Variants in SIN3B observed in about 807,000 individuals in gnomAD.
SIN3B encodes the protein paired amphipathic helix protein Sin3b.
SIN3B carries 19 observed loss-of-function variants against 120.2 expected under a neutral mutation model. The observed-to-expected ratio is 0.16, with a 90% CI of 0.11 to 0.23. The LOEUF (loss-of-function observed/expected upper bound fraction) is 0.23, where lower values mean the gene tolerates loss of function less well. SIN3B is among the 10% of genes least tolerant of loss of function. The probability of loss-of-function intolerance (pLI) is 1.00; values close to 1 mark genes in which losing one functional copy is unlikely to be tolerated. For synonymous variants in SIN3B, 654 were observed against 653.2 expected (o/e 1.00, Z -0.02); for missense variants, 1,073 against 1,573.0 (o/e 0.68, Z 5.38).
intron 3 of SIN3B, among the ~76,000 whole-genome samples, chr19:16,833,833 C>G (rs1971310762): frequency 6.6e-6 from 1 of 151,504 alleles, no homozygotes. Context: ...AAGAGATTCT[C>G]CTGCCTCAGC....
At chr19:16,832,851 C>T (rs748851889) in intron 3 of SIN3B, among the ~76,000 whole-genome samples, 105 of 152,010 alleles carry the variant, frequency 6.9e-4, no homozygotes, top group Non-Finnish European at 1.3e-3. Flanking sequence ...AGCTTACTAG[C>T]GCCTCTGAGA....
At chr19:16,843,541 G>A (rs1433171808) in intron 4 of SIN3B, among the ~76,000 whole-genome samples, 2 of 152,304 alleles carry the variant, frequency 1.3e-5, no homozygotes, top group Admixed American at 6.5e-5. Context: ...GCTTGTGATC[G>A]TAGAATCTGT....
Position 16,876,703 on chromosome 19 carries a change from G to T in SIN3B, c.2859+125G>T, listed in dbSNP as rs1486853342. 2 of 720,070 alleles carry T rather than the reference G, an allele frequency of 2.8e-6. No individual in the cohort carries two copies. The allele number at this position is 720,070 out of a possible 1,614,324, so 44.6% of individuals were successfully genotyped here. On this transcript the variant is annotated intron_variant, in intron 16 of 18. Coordinates refer to ENST00000248054, the MANE Select transcript of SIN3B (RefSeq NM_001297595.2). The surrounding 1 kb of genome is among the most constrained non-coding windows in gnomAD (Gnocchi z 7.1). ...GAGACCCTCCCTCTGCAGGCCACAGGCTCTCCTTGAGGCCTGGTGGGTGGG... is the reference window on the plus strand; with the variant it reads ...GAGACCCTCCCTCTGCAGGCCACAGTCTCTCCTTGAGGCCTGGTGGGTGGG...
At chr19:16,867,977 C>T (rs1971801823) in intron 12 of SIN3B, among the ~76,000 whole-genome samples, 1 of 152,224 alleles carries the variant, frequency 6.6e-6, no homozygotes. Flanking sequence ...CTGGATCCCT[C>T]CCTGGGGCTG....
Position 16,878,585 on chromosome 19 carries a change from C to G in SIN3B, c.3251C>G (p.Ala1084Gly), listed in dbSNP as rs753381939. 1 of 1,610,422 alleles carries G rather than the reference C, an allele frequency of 6.2e-7. No homozygotes were observed. The highest frequency in any genetic ancestry group is 1.3e-5 in the African/African-American group (1 of 75,016). ...WLEDNVTVEA[A>G]SLVQDWLMGE... Reference sequence around the variant, plus strand: ...GAGGACAATGTGACGGTGGAGGCGGCTAGCCTGGTGCAGGACTGGCTGATG... The same window carrying G: ...GAGGACAATGTGACGGTGGAGGCGGGTAGCCTGGTGCAGGACTGGCTGATG... Residue 1084 changes from alanine (A) to glycine (G), a missense_variant, in exon 19 of 19, where the codon GCT (alanine) becomes GGT (glycine). By Grantham distance (60) the Ala-to-Gly change is moderately conservative. Around this residue, in one of 7 missense-constraint regions of SIN3B, gnomAD observed 311 missense variants for 400.3 expected, o/e 0.78. Transcript: ENST00000248054.
intron 3 of SIN3B, among the ~76,000 whole-genome samples, chr19:16,836,712 G>T (rs1971353129): frequency 6.6e-6 from 1 of 152,164 alleles, no homozygotes; most frequent in African/African-American, 2.4e-5. Context: ...CTCTCAGCTA[G>T]CGGGTCCTCT....
intron 14 of SIN3B, among the ~76,000 whole-genome samples, chr19:16,873,565 C>T (rs1005051268): frequency 7.2e-6 from 1 of 139,826 alleles, no homozygotes; most frequent in Non-Finnish European, 1.6e-5. Context: ...GCCATGGCTT[C>T]GGGGACAGCA....
At chr19:16,856,632 C>T (rs1362560645) in intron 8 of SIN3B, among the ~76,000 whole-genome samples, 5 of 151,520 alleles carry the variant, frequency 3.3e-5, no homozygotes, top group South Asian at 2.1e-4. Context: ...AGTGCAGTGG[C>T]GCGATCTTGG....
In SIN3B at chr19:16,878,265, C is replaced by T. The variant is rs2051638114; in HGVS notation, c.3037C>T (p.Leu1013=). The T allele has an allele frequency of 1.9e-6, 3 of 1,599,900 alleles. No homozygotes were observed. The highest frequency in any genetic ancestry group is 2.7e-5 in the African/African-American group (2 of 74,776). ...TGAGGCCAGGAGCTCCTGGAAGCGG[C>T]TGGTGGGCGTGGAGAGCGCCTGCGA... ...RGEARSSWKR[L]VGVESACDVD... is the part of the protein sequence containing the mutation. The change falls in exon 18 of 19, where the codon CTG becomes TTG. Residue 1013 remains leucine, a synonymous_variant. Transcript: ENST00000248054.
chr19:16,853,239 T>G, intron 7 of SIN3B, 81 bp downstream of exon 7: 1 of 1,342,890 alleles, frequency 7.4e-7, no homozygotes. Flanking sequence ...TGCCCCAGGA[T>G]TGGGGCGGGG....
intron 12 of SIN3B, among the ~76,000 whole-genome samples, chr19:16,869,252 G>T (rs1001191868): frequency 6.6e-6 from 1 of 152,168 alleles, no homozygotes; most frequent in African/African-American, 2.4e-5. Flanking sequence ...TCGGAGAGGG[G>T]ACCAGGAGCA....
intron 5 of SIN3B, among the ~76,000 whole-genome samples, chr19:16,847,933 G>A (rs1456835493): frequency 6.6e-6 from 1 of 152,072 alleles, no homozygotes; most frequent in Non-Finnish European, 1.5e-5. Flanking sequence ...TCCTGGCAAC[G>A]CCCATGTGCT....
At chr19:16,838,732 C>T (rs899085592) in intron 3 of SIN3B, among the ~76,000 whole-genome samples, 3 of 151,236 alleles carry the variant, frequency 2.0e-5, no homozygotes, top group Admixed American at 6.6e-5. Flanking sequence ...AGTGCAGTGG[C>T]GGGGTCTCAG....
chr19:16,831,566 C>A lies in SIN3B; in HGVS notation c.300C>A (p.Phe100Leu). 6.2e-7 allele frequency: 1 copy of A among 1,614,014 alleles called. No individual in the cohort carries two copies. The highest frequency in any genetic ancestry group is 8.5e-7 in the Non-Finnish European group (1 of 1,179,890). ...FHEHPDLIVG[F>L]NAFLPLGYRI... ...AGCACCCTGACCTCATTGTTGGATT[C>A]AACGCTTTTCTTCCCCTCGGATATA... Residue 100 changes from phenylalanine (F) to leucine (L), a missense_variant, in exon 3 of 19, where the codon TTC becomes TTA. Phe to Leu is a conservative substitution (Grantham distance 22). This residue lies in a region of SIN3B where 395 missense variants were observed against 528.0 expected (regional missense o/e 0.75). Transcript: ENST00000248054.
At position 16,863,043 on chromosome 19, in the gene SIN3B, TCACA is replaced by T. The variant is rs374890147; in HGVS notation, c.1266+487_1266+490del. On this transcript the variant is annotated intron_variant, in intron 9 of 18. Coordinates refer to ENST00000248054, the MANE Select transcript of SIN3B (RefSeq NM_001297595.2). ...CGTGTTTGTAAATAAAGTTTTACTG[TCACA>T]CAGACACAACCATTCCTTTACATAT... is the stretch of plus-strand genomic sequence containing the variant. 775 of 1,210,268 alleles carry T rather than the reference TCACA, an allele frequency of 6.4e-4. 8 individuals are homozygous for T. The African/African-American group carries it at 0.01, about 16-fold the overall frequency. The allele number at this position is 1,210,268 out of a possible 1,614,324, so 75.0% of individuals were successfully genotyped here.
At chr19:16,840,574 G>A (rs1188910491) in intron 3 of SIN3B, among the ~76,000 whole-genome samples, 1 of 152,234 alleles carries the variant, frequency 6.6e-6, no homozygotes, top group African/African-American at 2.4e-5. Flanking sequence ...AGAGGTACCT[G>A]TTTCAGTACA....
chr19:16,829,495 C>T lies in SIN3B; in HGVS notation c.75C>T (p.Arg25=), dbSNP rs1971249549. The T allele has an allele frequency of 6.5e-6, 8 of 1,223,064 alleles. No individual in the cohort carries two copies. The South Asian group carries it at 2.0e-4, about 31-fold the overall frequency. The allele number at this position is 1,223,064 out of a possible 1,614,324, so 75.8% of individuals were successfully genotyped here. The change falls in exon 1 of 19, where the codon CGC becomes CGT. Residue 25 remains arginine (R), a synonymous_variant. Coordinates refer to ENST00000248054, the MANE Select transcript of SIN3B (RefSeq NM_001297595.2). The part of the protein sequence containing the change: ...GPAGRGLSGA[R]WGRSGSAGHE... ...CGGGCCGGGGGCTGAGCGGCGCCCG[C>T]TGGGGTCGCTCGGGCTCCGCAGGCC...
rs1223388341 is a variant in SIN3B, at chr19:16,859,849, G to T, written c.1059-2503G>T. Among the ~76,000 whole-genome samples, 4 of 152,300 alleles carry T rather than the reference G, an allele frequency of 2.6e-5. No homozygotes were observed. The East Asian group carries it at 7.7e-4, about 29-fold the overall frequency. On this transcript the variant is annotated intron_variant, in intron 8 of 18. Coordinates refer to ENST00000248054, the MANE Select transcript of SIN3B (RefSeq NM_001297595.2). ...CCCCCAGGGGCTGTGTGTGGAGCTGGTGTTGGCACCTGGGTCCAGCGGGCA... is the reference window on the plus strand; with the variant it reads ...CCCCCAGGGGCTGTGTGTGGAGCTGTTGTTGGCACCTGGGTCCAGCGGGCA...
chr19:16,848,764 G>A (rs1372333168), intron 5 of SIN3B, among the ~76,000 whole-genome samples: 6 of 152,218 alleles, frequency 3.9e-5, no homozygotes, highest in Non-Finnish European at 7.3e-5. Context: ...GTCTCCCAAA[G>A]TGCTGGGATT....
Sources: allele counts gnomAD v4.1 joint callset (sites outside exome capture counted in the v4.1 genomes callset), GRCh38; gene constraint gnomAD v4.1.1; regional missense constraint gnomAD v4.1.1; non-coding constraint Gnocchi (gnomAD v3.1); transcripts MANE v1.5; gene names NCBI Gene and HGNC (gene_info 2026-07-23, HGNC 2026-07-21).